CELSR3: variants seen among roughly 807,000 people sequenced by gnomAD.
The protein encoded by CELSR3 is cadherin EGF LAG seven-pass G-type receptor 3, also known as EGF-like protein 1.
CELSR3 carries 73 observed loss-of-function variants against 270.0 expected under a neutral mutation model. The ratio of observed to expected loss-of-function variants is 0.27; its 90% CI spans 0.22 to 0.33. The LOEUF (loss-of-function observed/expected upper bound fraction) is 0.33, where lower values mean the gene tolerates loss of function less well. CELSR3 is among the 10% of genes least tolerant of loss of function. The pLI is 1.00. For synonymous variants in CELSR3, 1,780 were observed against 1,905.4 expected (o/e 0.93, Z 1.71); for missense variants, 3,614 against 4,533.8 (o/e 0.80, Z 5.83).
rs565037952 is a variant in CELSR3 at position 48,652,108 on chromosome 3, T to G, written c.5752-60A>C. On this transcript the variant is annotated intron_variant, in intron 11 of 34. Transcript: ENST00000164024. This position sits in a 1 kb window ranked among gnomAD's most constrained non-coding sequence, Gnocchi z 4.3. The stretch of plus-strand genomic sequence containing the variant: ...GTTAAGGCACCTCAGCCTCAAGTAC[T>G]GCAGAGCCAGCCACCCGGTCTGATG... 1.6e-5 allele frequency: 23 copies of G among 1,441,864 alleles called. No individual in the cohort carries two copies. The African/African-American group carries it at 3.2e-4, about 20-fold the overall frequency. 89.3% of individuals were successfully genotyped at this position (1,441,864 alleles called of 1,614,324 possible).
In CELSR3 at chr3:48,656,301, G is replaced by A; in HGVS notation, c.4464C>T (p.Gly1488=). Reference sequence around the variant, plus strand: ...CGCCGTTGGGCGCGTCGGTGCAGGTGCCCCCGTTGCGGCAGACGCCCGGCA... The same window carrying A: ...CGCCGTTGGGCGCGTCGGTGCAGGTACCCCCGTTGCGGCAGACGCCCGGCA... The part of the protein sequence containing the change: ...RCVPGVCRNG[G]TCTDAPNGGF... The change falls in exon 3 of 35, where the codon GGC becomes GGT. Residue 1488 remains glycine (G), a synonymous_variant. Transcript: ENST00000164024. The A allele has an allele frequency of 6.6e-7, 1 of 1,506,232 alleles. No individual in the cohort carries two copies. The highest frequency in any genetic ancestry group is 8.8e-7 in the Non-Finnish European group (1 of 1,136,544). The allele number at this position is 1,506,232 out of a possible 1,614,324, so 93.3% of individuals were successfully genotyped here.
At position 48,653,199 on chromosome 3, in the gene CELSR3, G is replaced by A. The variant is rs761072000; in HGVS notation, c.5449-12C>T. Reference sequence around the variant, plus strand: ...AACCCCCGATCTAGCTGTGGGCAGAGATGCATAGCCCTGGGGTTAGAGCCC... The same window carrying A: ...AACCCCCGATCTAGCTGTGGGCAGAAATGCATAGCCCTGGGGTTAGAGCCC... On this transcript the variant is annotated splice_polypyrimidine_tract_variant and intron_variant, in intron 9 of 34. Coordinates refer to ENST00000164024, the MANE Select transcript of CELSR3 (RefSeq NM_001407.3). The surrounding 1 kb of genome is among the most constrained non-coding windows in gnomAD (Gnocchi z 6.5). The A allele has an allele frequency of 4.0e-5, 64 of 1,612,264 alleles. No individual in the cohort carries two copies. In the Admixed American group the frequency reaches 7.8e-4, roughly 20 times the overall value.
chr3:48,640,667 G>T lies in CELSR3; in HGVS notation c.9026-108C>A. 8.0e-7 allele frequency: 1 copy of T among 1,247,688 alleles called. No homozygotes were observed. The highest frequency in any genetic ancestry group is 1.1e-6 in the Non-Finnish European group (1 of 923,234). 77.3% of individuals were successfully genotyped at this position (1,247,688 alleles called of 1,614,324 possible). ...GCCCTTGGGATCCTTCCAACACAGG[G>T]ATGGGAGCAGGAACCCCTTGGGGAG... On this transcript the variant is annotated intron_variant, in intron 33 of 34. Transcript: ENST00000164024. This position sits in a 1 kb window ranked among gnomAD's most constrained non-coding sequence, Gnocchi z 7.5.
rs1403060790 is a variant in CELSR3, at chr3:48,644,082, G to A, written c.8165+134C>T. ...GCGCCAGAGAGGGACCACAGGTCAG[G>A]GCAGGTGTGACTTCATTCCTTCATC... On this transcript the variant is annotated intron_variant, in intron 27 of 34. Coordinates refer to ENST00000164024, the MANE Select transcript of CELSR3 (RefSeq NM_001407.3). The surrounding 1 kb of genome is among the most constrained non-coding windows in gnomAD (Gnocchi z 4.8). 1.0e-5 allele frequency: 7 copies of A among 698,616 alleles called. No homozygotes were observed. The highest frequency in any genetic ancestry group is 1.2e-5 in the Non-Finnish European group (5 of 402,634). 43.3% of individuals were successfully genotyped at this position (698,616 alleles called of 1,614,324 possible).
chr3:48,653,588 G>GAGGGTAT lies in CELSR3; in HGVS notation c.5448+24_5448+30dup, dbSNP rs768978286. 5.6e-6 allele frequency: 9 copies of GAGGGTAT among 1,599,994 alleles called. No homozygotes were observed. In the South Asian group the frequency reaches 1.0e-4, roughly 18 times the overall value. ...GTGGCGGCCTAAGAGACTGAGAACTGAGGGTATAGGGGTGAGCAGGGTGGA... is the reference window on the plus strand; with the variant it reads ...GTGGCGGCCTAAGAGACTGAGAACTGAGGGTATAGGGTATAGGGGTGAGCAGGGTGGA... On this transcript the variant is annotated intron_variant, in intron 9 of 34. Transcript: ENST00000164024. The surrounding 1 kb of genome is among the most constrained non-coding windows in gnomAD (Gnocchi z 6.5).
rs201542670 is a variant in CELSR3, at chr3:48,645,367, A to G, written c.7797+76T>C. 3.4e-4 allele frequency: 537 copies of G among 1,591,264 alleles called. 7 individuals are homozygous for G. The highest frequency in any genetic ancestry group is 3.2e-3 in the South Asian group (286 of 90,312). On this transcript the variant is annotated intron_variant, in intron 24 of 34. Transcript: ENST00000164024. The surrounding 1 kb of genome is among the most constrained non-coding windows in gnomAD (Gnocchi z 5.4). ...CCAACCTGAGCATCCCTGACCTCTG[A>G]CCCTGAGTTTTGGCCCCAGGCCTCC...
intron 20 of CELSR3, 134 bp downstream of exon 20, chr3:48,647,707 G>A: frequency 1.2e-6 from 1 of 805,306 alleles, no homozygotes; most frequent in Non-Finnish European, 2.0e-6. Flanking sequence ...GGGAGGGAGG[G>A]TGGAGGGGAG....
At position 48,655,991 on chromosome 3, in the gene CELSR3, G is replaced by T; in HGVS notation, c.4626-140C>A. 2 of 1,115,848 alleles carry T rather than the reference G, an allele frequency of 1.8e-6. No homozygotes were observed. Among genetic ancestry groups the T allele is most frequent in the Non-Finnish European group, 2.6e-6 (2 of 770,346 alleles). The allele number at this position is 1,115,848 out of a possible 1,614,324, so 69.1% of individuals were successfully genotyped here. On this transcript the variant is annotated intron_variant, in intron 3 of 34. Transcript: ENST00000164024. The surrounding 1 kb of genome is among the most constrained non-coding windows in gnomAD (Gnocchi z 5.8). ...ACGGCGGGACCGACCGGGGGGACGC[G>T]GGTGCAGCGAGGTCAGGAGACCCCG...
At position 48,653,595 on chromosome 3, in the gene CELSR3, T is replaced by C; in HGVS notation, c.5448+24A>G. On this transcript the variant is annotated intron_variant, in intron 9 of 34. Transcript: ENST00000164024. This position sits in a 1 kb window ranked among gnomAD's most constrained non-coding sequence, Gnocchi z 6.5. ...CCTAAGAGACTGAGAACTGAGGGTA[T>C]AGGGGTGAGCAGGGTGGACACACCT... 4 of 1,610,704 alleles carry C rather than the reference T, an allele frequency of 2.5e-6. No individual in the cohort carries two copies. The highest frequency in any genetic ancestry group is 3.4e-6 in the Non-Finnish European group (4 of 1,177,828).
chr3:48,661,581 G>A lies in CELSR3; in HGVS notation c.1054C>T (p.Pro352Ser), dbSNP rs750957854. The change falls in exon 1 of 35, where the codon CCG becomes TCG. Residue 352 changes from proline (P) to serine (S), a missense_variant. By Grantham distance (74) the Pro-to-Ser change is moderately conservative (BLOSUM62 -1). Coordinates refer to ENST00000164024, the MANE Select transcript of CELSR3 (RefSeq NM_001407.3). ...TAVLRVVAQDPDAGEAGRLVY... is the reference protein window; with the variant it reads ...TAVLRVVAQDSDAGEAGRLVY... ...AGGCGCCCGGCCTCGCCGGCGTCCGGGTCCTGAGCAACCACGCGTAGCACC... is the reference window on the plus strand; with the variant it reads ...AGGCGCCCGGCCTCGCCGGCGTCCGAGTCCTGAGCAACCACGCGTAGCACC... The A allele has an allele frequency of 1.2e-6, 2 of 1,609,514 alleles. No individual in the cohort carries two copies. The highest frequency in any genetic ancestry group is 1.7e-5 in the Admixed American group (1 of 59,702).
chr3:48,652,977 A>T lies in CELSR3; in HGVS notation c.5634+25T>A, dbSNP rs754883674. ...GATCTGGTTGGAAGGCTGAGAACAGACTACCCCGGGGTCAGAGGCCAGACC... is the reference window on the plus strand; with the variant it reads ...GATCTGGTTGGAAGGCTGAGAACAGTCTACCCCGGGGTCAGAGGCCAGACC... On this transcript the variant is annotated intron_variant, in intron 10 of 34. Transcript: ENST00000164024. The surrounding 1 kb of genome is among the most constrained non-coding windows in gnomAD (Gnocchi z 4.3). The T allele has an allele frequency of 1.7e-5, 27 of 1,605,040 alleles. No homozygotes were observed. Among genetic ancestry groups the T allele is most frequent in the Non-Finnish European group, 2.2e-5 (26 of 1,173,868 alleles).
In CELSR3 at chr3:48,660,429, G is replaced by T; in HGVS notation, c.2206C>A (p.Leu736Ile). 4 of 1,614,144 alleles carry T rather than the reference G, an allele frequency of 2.5e-6. No homozygotes were observed. In the African/African-American group the frequency reaches 5.3e-5, roughly 22 times the overall value. ...VEARDHGSPPLSASASVTVTV... is the reference protein window; with the variant it reads ...VEARDHGSPPISASASVTVTV... ...ACGGTGACACTGGCTGAGGCAGAGA[G>T]TGGGGGTGAGCCATGGTCTCGAGCC... The change falls in exon 1 of 35, where the codon CTC becomes ATC. Residue 736 changes from leucine to isoleucine, a missense_variant. Around this residue, in one of 7 missense-constraint regions of CELSR3, gnomAD observed 215 missense variants for 241.2 expected, o/e 0.89. Transcript: ENST00000164024. The surrounding 1 kb of genome is among the most constrained non-coding windows in gnomAD (Gnocchi z 5.5).
chr3:48,659,125 G>A lies in CELSR3; in HGVS notation c.3510C>T (p.Asn1170=), dbSNP rs2077045493. 2 of 1,614,092 alleles carry A rather than the reference G, an allele frequency of 1.2e-6. No homozygotes were observed. Among genetic ancestry groups the A allele is most frequent in the Non-Finnish European group, 1.7e-6 (2 of 1,180,038 alleles). The change falls in exon 1 of 35, where the codon AAC becomes AAT. Residue 1170 remains asparagine, a synonymous_variant. Coordinates refer to ENST00000164024, the MANE Select transcript of CELSR3 (RefSeq NM_001407.3). This position sits in a 1 kb window ranked among gnomAD's most constrained non-coding sequence, Gnocchi z 8.1. The part of the protein sequence containing the change: ...VDQNDNSPVL[N]NFQILFNNYV... ...AGTTGTTGAAGAGGATCTGGAAGTT[G>A]TTGAGCACAGGGCTGTTGTCATTCT... is the stretch of plus-strand genomic sequence containing the variant.
At position 48,659,954 on chromosome 3, in the gene CELSR3, G is replaced by A. The variant is rs778451304; in HGVS notation, c.2681C>T (p.Thr894Ile). ...DDDVGENARI[T>I]YLLEDNLPQF... is the part of the protein sequence containing the mutation. ...GGGCAGGTTGTCCTCCAGGAGATAG[G>A]TGATACGAGCATTCTCACCCACGTC... is the stretch of plus-strand genomic sequence containing the variant. The change falls in exon 1 of 35, where the codon ACC (threonine) becomes ATC (isoleucine). Residue 894 changes from threonine (T) to isoleucine (I), a missense_variant. Transcript: ENST00000164024. The surrounding 1 kb of genome is among the most constrained non-coding windows in gnomAD (Gnocchi z 8.1). 1.9e-6 allele frequency: 3 copies of A among 1,614,182 alleles called. No individual in the cohort carries two copies. The highest frequency in any genetic ancestry group is 2.2e-5 in the East Asian group (1 of 44,886).
chr3:48,644,767 G>A lies in CELSR3; in HGVS notation c.8034C>T (p.Val2678=). The part of the protein sequence containing the change: ...YGNPDFCWIS[V]HEPLIWSFAG... ...CAAAGCTCCAGATGAGGGGCTCGTG[G>A]ACTGAGATCCAGCAGAAGTCAGGGT... is the stretch of plus-strand genomic sequence containing the variant. The change falls in exon 26 of 35, where the codon GTC becomes GTT. Residue 2678 remains valine, a synonymous_variant. Transcript: ENST00000164024. This position sits in a 1 kb window ranked among gnomAD's most constrained non-coding sequence, Gnocchi z 4.8. 6.2e-7 allele frequency: 1 copy of A among 1,613,560 alleles called. No individual in the cohort carries two copies. Among genetic ancestry groups the A allele is most frequent in the Non-Finnish European group, 8.5e-7 (1 of 1,179,984 alleles).
Position 48,653,943 on chromosome 3 carries a change from G to A in CELSR3, c.5213C>T (p.Ser1738Leu), listed in dbSNP as rs199541002. Residue 1738 changes from serine (S) to leucine (L), a missense_variant, in exon 8 of 35, where the codon TCG becomes TTG. Physicochemically the swap from Ser to Leu is moderately radical, Grantham distance 145. Around this residue, in one of 7 missense-constraint regions of CELSR3, gnomAD observed 1,331 missense variants for 1,933.7 expected, o/e 0.69. Coordinates refer to ENST00000164024, the MANE Select transcript of CELSR3 (RefSeq NM_001407.3). This position sits in a 1 kb window ranked among gnomAD's most constrained non-coding sequence, Gnocchi z 6.5. ...GCAGCTGAAGCTGCCCCAGCGCTCC[G>A]AGCAGAAGCCACTGTTCTTGCAGGG... is the stretch of plus-strand genomic sequence containing the variant. ...SGPCKNSGFC[S>L]ERWGSFSCDC... 1.6e-4 allele frequency: 259 copies of A among 1,613,396 alleles called. No individual in the cohort carries two copies. The highest frequency in any genetic ancestry group is 3.3e-4 in the Middle Eastern group (2 of 6,062).
At position 48,653,570 on chromosome 3, in the gene CELSR3, C is replaced by G. The variant is rs2047155850; in HGVS notation, c.5448+49G>C. 1 of 1,585,722 alleles carries G rather than the reference C, an allele frequency of 6.3e-7. No individual in the cohort carries two copies. The highest frequency in any genetic ancestry group is 1.1e-5 in the South Asian group (1 of 88,280). On this transcript the variant is annotated intron_variant, in intron 9 of 34. Coordinates refer to ENST00000164024, the MANE Select transcript of CELSR3 (RefSeq NM_001407.3). This position sits in a 1 kb window ranked among gnomAD's most constrained non-coding sequence, Gnocchi z 6.5. ...GAACCCACAAGAATGTCAGTGGCGG[C>G]CTAAGAGACTGAGAACTGAGGGTAT...
At position 48,662,233 on chromosome 3, in the gene CELSR3, G is replaced by A; in HGVS notation, c.402C>T (p.Tyr134=). 1 of 1,613,160 alleles carries A rather than the reference G, an allele frequency of 6.2e-7. No individual in the cohort carries two copies. Among genetic ancestry groups the A allele is most frequent in the Non-Finnish European group, 8.5e-7 (1 of 1,180,022 alleles). Residue 134 remains tyrosine, a synonymous_variant, in exon 1 of 35, where the codon TAC becomes TAT. Coordinates refer to ENST00000164024, the MANE Select transcript of CELSR3 (RefSeq NM_001407.3). This position sits in a 1 kb window ranked among gnomAD's most constrained non-coding sequence, Gnocchi z 7.1. ...CGCAAGAGGAGACCTCTGGGCGCCA[G>A]TATAACACAGACCCTGGTCCCTGTC... The part of the protein sequence containing the change: ...ETGQGPGSVL[Y]WRPEVSSCGR...
chr3:48,645,909 T>A lies in CELSR3; in HGVS notation c.7464-41A>T. On this transcript the variant is annotated intron_variant, in intron 22 of 34. Coordinates refer to ENST00000164024, the MANE Select transcript of CELSR3 (RefSeq NM_001407.3). This position sits in a 1 kb window ranked among gnomAD's most constrained non-coding sequence, Gnocchi z 5.4. ...AGTTAGACACAACTGTGACCCAGTG[T>A]CAGGCAGGGGTTTGTGAGAGATCAT... is the stretch of plus-strand genomic sequence containing the variant. The A allele has an allele frequency of 6.3e-7, 1 of 1,581,832 alleles. No individual in the cohort carries two copies. The highest frequency in any genetic ancestry group is 1.7e-5 in the Admixed American group (1 of 59,044).
Sources: allele counts gnomAD v4.1 joint callset, GRCh38; gene constraint gnomAD v4.1.1; regional missense constraint gnomAD v4.1.1; non-coding constraint Gnocchi (gnomAD v3.1); transcripts MANE v1.5; gene names NCBI Gene and HGNC (gene_info 2026-07-23, HGNC 2026-07-21).